Variants in LIN7A observed in about 807,000 individuals in gnomAD.
LIN7A encodes lin-7 cell polarity scaffold A.
A neutral mutation model predicts 29.8 loss-of-function variants in LIN7A; 25 were observed. The ratio of observed to expected loss-of-function variants is 0.84; its 90% CI spans 0.61 to 1.17. LIN7A has a LOEUF of 1.17. Ranked by LOEUF, LIN7A falls within the 50% of genes most tolerant of loss-of-function variation. LIN7A has a pLI of 0.00. For missense variants in LIN7A, 239 were observed against 287.0 expected, an observed-to-expected ratio of 0.83 and a Z score of 1.21; for synonymous variants, 118 against 107.5, an observed-to-expected ratio of 1.10 and a Z score of -0.60.
intron 1 of LIN7A, among the ~76,000 whole-genome samples, chr12:80,915,152 C>CCAAAAAAA (rs1565927489): frequency 9.5e-6 from 1 of 104,976 alleles, no homozygotes; most frequent in Non-Finnish European, 2.3e-5. Context: ...AATCAACAAG[C>CCAAAAAAA]AAAAAAAAAA....
chr12:80,901,135 A>C (rs1042441233), intron 1 of LIN7A, among the ~76,000 whole-genome samples: 30 of 152,144 alleles, frequency 2.0e-4, no homozygotes, highest in Non-Finnish European at 2.9e-5. Context: ...AGTACACTAG[A>C]AGTACAGCTG....
intron 5 of LIN7A, among the ~76,000 whole-genome samples, chr12:80,808,514 T>G (rs886107093): frequency 6.6e-6 from 1 of 150,664 alleles, no homozygotes; most frequent in South Asian, 2.1e-4. Flanking sequence ...TTTCTTTTTT[T>G]TTTTTTTTTG....
chr12:80,807,578 ATCAAT>A (rs1369258702), intron 5 of LIN7A, among the ~76,000 whole-genome samples: 6 of 152,224 alleles, frequency 3.9e-5, no homozygotes, highest in African/African-American at 1.4e-4. Flanking sequence ...AATGTGGCAA[ATCAAT>A]TAGGAGAATT....
chr12:80,795,339 C>G lies in LIN7A; in HGVS notation c.*2388G>C, dbSNP rs1158500257. ...AAATGGTCATTTGTATATGAGACCA[C>G]TCTGACGTATAATCCATCCTTAGAT... is the stretch of plus-strand genomic sequence containing the variant. On this transcript the variant is annotated 3_prime_UTR_variant, in exon 6 of 6. Coordinates refer to ENST00000552864, the MANE Select transcript of LIN7A (RefSeq NM_004664.4). 2 of 152,000 alleles carry G rather than the reference C, an allele frequency of 1.3e-5. No homozygotes were observed. The highest frequency in any genetic ancestry group is 2.9e-5 in the Non-Finnish European group (2 of 67,976). 9.4% of individuals were successfully genotyped at this position (152,000 alleles called of 1,614,324 possible).
At chr12:80,810,952 T>A (rs1404508063) in intron 5 of LIN7A, among the ~76,000 whole-genome samples, 1 of 152,184 alleles carries the variant, frequency 6.6e-6, no homozygotes, top group Non-Finnish European at 1.5e-5. Flanking sequence ...CAGTGGCAGG[T>A]CTCAGCTTCA....
chr12:80,890,874 G>A (rs1875585244), intron 1 of LIN7A, among the ~76,000 whole-genome samples: 1 of 152,098 alleles, frequency 6.6e-6, no homozygotes, highest in Non-Finnish European at 1.5e-5. Context: ...TCCAGCCTAG[G>A]AGACAGAGTG....
At chr12:80,874,200 TTCTC>T (rs1874569629) in intron 2 of LIN7A, among the ~76,000 whole-genome samples, 2 of 152,326 alleles carry the variant, frequency 1.3e-5, no homozygotes, top group South Asian at 2.1e-4. Flanking sequence ...CAGATTTCTT[TTCTC>T]TCTATTTAAG....
At chr12:80,851,765 G>T (rs1873346147) in intron 2 of LIN7A, among the ~76,000 whole-genome samples, 1 of 57,582 alleles carries the variant, frequency 1.7e-5, no homozygotes, top group South Asian at 5.4e-4. Flanking sequence ...TACAGCATTT[G>T]TAAGACATTT....
chr12:80,852,147 T>C (rs1396776727), intron 2 of LIN7A, among the ~76,000 whole-genome samples: 1 of 152,120 alleles, frequency 6.6e-6, no homozygotes, highest in Non-Finnish European at 1.5e-5. Context: ...GTTTTTTAAG[T>C]GAAAAATTTC....
chr12:80,798,947 G>A (rs1384397253), intron 5 of LIN7A, among the ~76,000 whole-genome samples: 1 of 152,138 alleles, frequency 6.6e-6, no homozygotes, highest in African/African-American at 2.4e-5. Flanking sequence ...GAGCCAGTCT[G>A]GTCTCAAACT....
Position 80,885,585 on chromosome 12 carries a change from T to C in LIN7A, c.201+3666A>G, listed in dbSNP as rs139276736. On this transcript the variant is annotated intron_variant, in intron 2 of 5. Coordinates refer to ENST00000552864, the MANE Select transcript of LIN7A (RefSeq NM_004664.4). The stretch of plus-strand genomic sequence containing the variant: ...GTGTTGCTTACCACTATCTGTATTC[T>C]GTGAATGAAGATGTGTGAGGATTTG... Among the ~76,000 whole-genome samples, 649 of 152,254 alleles carry C rather than the reference T, an allele frequency of 4.3e-3. 4 individuals are homozygous for C. The highest frequency in any genetic ancestry group is 0.015 in the African/African-American group (614 of 41,576).
At chr12:80,910,652 T>C (rs1278360987) in intron 1 of LIN7A, among the ~76,000 whole-genome samples, 1 of 152,210 alleles carries the variant, frequency 6.6e-6, no homozygotes, top group Non-Finnish European at 1.5e-5. Context: ...ATTTTTGTTA[T>C]GGTAAATTAT....
intron 1 of LIN7A, among the ~76,000 whole-genome samples, chr12:80,926,047 T>C (rs1359188159): frequency 1.3e-5 from 2 of 152,200 alleles, no homozygotes; most frequent in African/African-American, 4.8e-5. Context: ...CGTTGCATGG[T>C]TGTTTCTGCT....
At chr12:80,867,635 T>C (rs1874210816) in intron 2 of LIN7A, among the ~76,000 whole-genome samples, 1 of 152,176 alleles carries the variant, frequency 6.6e-6, no homozygotes, top group African/African-American at 2.4e-5. Flanking sequence ...TTTGACACGC[T>C]TTCTGTATGA....
chr12:80,799,487 C>T (rs906915314), intron 5 of LIN7A, among the ~76,000 whole-genome samples: 1 of 151,658 alleles, frequency 6.6e-6, no homozygotes, highest in African/African-American at 2.4e-5. Context: ...TGCTAAGAAG[C>T]CTATGTTAAA....
chr12:80,930,191 T>C (rs1056438860), intron 1 of LIN7A, among the ~76,000 whole-genome samples: 12 of 152,216 alleles, frequency 7.9e-5, no homozygotes, highest in African/African-American at 2.9e-4. Context: ...CAATGGAAAT[T>C]AGACACCCTA....
chr12:80,827,311 C>T (rs1037374775), intron 4 of LIN7A, among the ~76,000 whole-genome samples: 6 of 152,144 alleles, frequency 3.9e-5, no homozygotes, highest in South Asian at 4.2e-4. Context: ...GGCGTGAACC[C>T]GGGAGGCGGA....
At chr12:80,819,722 T>A (rs1871703362) in intron 4 of LIN7A, among the ~76,000 whole-genome samples, 1 of 114,820 alleles carries the variant, frequency 8.7e-6, no homozygotes, top group Admixed American at 7.8e-5. Context: ...AAATTGGGCA[T>A]CATAGTGTAC....
chr12:80,879,178 G>A (rs577580601), intron 2 of LIN7A, among the ~76,000 whole-genome samples: 6 of 152,074 alleles, frequency 3.9e-5, no homozygotes, highest in South Asian at 2.1e-4. Context: ...TCACAGAACC[G>A]GAAGGATCAC....
Sources: gnomAD v4.1 joint callset for allele counts (sites outside exome capture counted in the v4.1 genomes callset) on GRCh38, gnomAD v4.1.1 for gene constraint, MANE v1.5 for transcripts, NCBI Gene and HGNC (gene_info 2026-07-23, HGNC 2026-07-21) for gene names.